Variants in ATXN10 observed in about 807,000 individuals in gnomAD.
The protein encoded by ATXN10 is ataxin-10.
ATXN10 carries 28 observed loss-of-function variants against 52.9 expected under a neutral mutation model. The observed-to-expected ratio is 0.53, with a 90% CI of 0.39 to 0.73. The LOEUF (loss-of-function observed/expected upper bound fraction) is 0.73. Ranked by LOEUF, ATXN10 falls within the 30% of genes least tolerant of loss-of-function variation. The pLI, the probability that ATXN10 is intolerant of heterozygous loss-of-function variation, is 0.00. For synonymous variants in ATXN10, 226 were observed against 221.5 expected (o/e 1.02, Z -0.18); for missense variants, 565 against 577.0 (o/e 0.98, Z 0.21).
rs1162827863 is a variant in ATXN10, at chr22:45,840,439, G to A, written c.1238-2552G>A. ...AGGCTTCCGGGAGACTGTGATACTT[G>A]CTGAGTCTCGAAGGCTAAGTGTGCC... On this transcript the variant is annotated intron_variant, in intron 10 of 11. Coordinates refer to ENST00000252934, the MANE Select transcript of ATXN10 (RefSeq NM_013236.4). The surrounding 1 kb of genome is among the most constrained non-coding windows in gnomAD (Gnocchi z 5.8). Among the ~76,000 whole-genome samples the A allele has an allele frequency of 2.0e-5, 3 of 152,184 alleles. No individual in the cohort carries two copies. Among genetic ancestry groups the A allele is most frequent in the South Asian group, 2.1e-4 (1 of 4,830 alleles).
chr22:45,740,642 A>G (rs1925476078), intron 9 of ATXN10, 104 bp downstream of exon 9: 4 of 955,270 alleles, frequency 4.2e-6, no homozygotes, highest in Non-Finnish European at 1.7e-6. Context: ...GGTGCTTAGA[A>G]AGTAGCTTGG....
At chr22:45,771,339 G>C (rs1031837180) in intron 9 of ATXN10, among the ~76,000 whole-genome samples, 2 of 150,952 alleles carry the variant, frequency 1.3e-5, no homozygotes, top group African/African-American at 4.9e-5. Flanking sequence ...TCATTTTGTT[G>C]TAGTTTTTAT....
At chr22:45,695,494 C>CTTT (rs34688034) in intron 3 of ATXN10, among the ~76,000 whole-genome samples, 2 of 140,942 alleles carry the variant, frequency 1.4e-5, no homozygotes, top group Admixed American at 7.1e-5. Flanking sequence ...AGGCATATTT[C>CTTT]TTTTTTTTTT....
At chr22:45,758,371 C>A (rs995929707) in intron 9 of ATXN10, among the ~76,000 whole-genome samples, 5 of 152,222 alleles carry the variant, frequency 3.3e-5, no homozygotes, top group Non-Finnish European at 7.3e-5. Context: ...CTCAGAAAAA[C>A]CAGTTTTACT....
Position 45,823,069 on chromosome 22 carries a change from ATAGAG to A in ATXN10, c.1237+16050_1237+16054del, listed in dbSNP as rs1301483071. The A allele has an allele frequency of 4.5e-6, 2 of 442,192 alleles. No individual in the cohort carries two copies. The highest frequency in any genetic ancestry group is 9.3e-6 in the Non-Finnish European group (2 of 214,934). The allele number at this position is 442,192 out of a possible 1,614,324, so 27.4% of individuals were successfully genotyped here. On this transcript the variant is annotated intron_variant, in intron 10 of 11. Coordinates refer to ENST00000252934, the MANE Select transcript of ATXN10 (RefSeq NM_013236.4). This position sits in a 1 kb window ranked among gnomAD's most constrained non-coding sequence, Gnocchi z 4.9. ...ATTATTTCATTGAGGTATAACTTAAATAGAGTAAACTGCAAAATTTTTAAGTATAC... is the reference window on the plus strand; with the variant it reads ...ATTATTTCATTGAGGTATAACTTAAATAAACTGCAAAATTTTTAAGTATAC...
rs2146856399 is a variant in ATXN10, at chr22:45,783,888, G to C, written c.1174-23071G>C. On this transcript the variant is annotated intron_variant, in intron 9 of 11. Transcript: ENST00000252934. This position sits in a 1 kb window ranked among gnomAD's most constrained non-coding sequence, Gnocchi z 5.0. The stretch of plus-strand genomic sequence containing the variant: ...CCCGAGGGCACCGAGGAAATGGTCA[G>C]ACTTCTTTCCTGTAGGTCAAGGCTG... 6.6e-6 allele frequency among the ~76,000 whole-genome samples: 1 copy of C among 152,328 alleles called. No individual in the cohort carries two copies. The highest frequency in any genetic ancestry group is 2.1e-4 in the South Asian group (1 of 4,826).
chr22:45,703,161 C>T (rs1440667751), intron 5 of ATXN10, among the ~76,000 whole-genome samples: 1 of 152,188 alleles, frequency 6.6e-6, no homozygotes, highest in African/African-American at 2.4e-5. Flanking sequence ...ACAGATAAGA[C>T]TGTTGTGGCT....
At chr22:45,672,771 T>C (rs1055823858) in intron 1 of ATXN10, 2 of 152,450 alleles carry the variant, frequency 1.3e-5, no homozygotes, top group Non-Finnish European at 2.9e-5. Flanking sequence ...AGGGGCAAGA[T>C]AGCCAGGCAA....
intron 1 of ATXN10, among the ~76,000 whole-genome samples, chr22:45,687,858 A>G (rs1987427): frequency 0.82 from 124,258 of 152,042 alleles, 50,930 homozygotes; most frequent in African/African-American, 0.88. Flanking sequence ...CGGGAGTTCG[A>G]GACCAGCCTG....
intron 8 of ATXN10, among the ~76,000 whole-genome samples, chr22:45,740,077 A>G (rs1378310245): frequency 6.6e-6 from 1 of 152,222 alleles, no homozygotes; most frequent in African/African-American, 2.4e-5. Context: ...GGATGCTAGC[A>G]AACTTTTAGC....
intron 6 of ATXN10, among the ~76,000 whole-genome samples, chr22:45,720,218 C>T (rs900035580): frequency 6.6e-6 from 1 of 152,040 alleles, no homozygotes; most frequent in African/African-American, 2.4e-5. Flanking sequence ...TTGTCACAGC[C>T]CTAGTTTACC....
chr22:45,802,467 T>C (rs1282806310), intron 9 of ATXN10, among the ~76,000 whole-genome samples: 1 of 152,260 alleles, frequency 6.6e-6, no homozygotes, highest in Non-Finnish European at 1.5e-5. Flanking sequence ...AGGTGCTGTA[T>C]TGGTGTCTGC....
At chr22:45,694,410 G>A (rs772849982) in intron 3 of ATXN10, among the ~76,000 whole-genome samples, 1 of 152,128 alleles carries the variant, frequency 6.6e-6, no homozygotes, top group Non-Finnish European at 1.5e-5. Context: ...CTAGCACTTG[G>A]AGAGGCCAAG....
chr22:45,751,763 A>AAAATAATAATAAT, intron 9 of ATXN10, among the ~76,000 whole-genome samples: 4 of 66,616 alleles, frequency 6.0e-5, no homozygotes, highest in East Asian at 3.1e-4. Context: ...AATAAAAAAA[A>AAAATAATAATAAT]AATAATAATA....
chr22:45,793,547 C>T, intron 9 of ATXN10: 1 of 1,265,158 alleles, frequency 7.9e-7, no homozygotes, highest in Non-Finnish European at 1.0e-6. Flanking sequence ...CTGTCAAGCT[C>T]TTCAATCTTT....
rs906590745 is a variant in ATXN10, at chr22:45,732,851, A to G, written c.894+3261A>G. 1.3e-5 allele frequency among the ~76,000 whole-genome samples: 2 copies of G among 152,228 alleles called. No individual in the cohort carries two copies. Among genetic ancestry groups the G allele is most frequent in the Non-Finnish European group, 2.9e-5 (2 of 68,040 alleles). ...AAACCACTGCATTTACTCATTGGTG[A>G]TCTTTTTAGGACAAGATAGATATTC... is the stretch of plus-strand genomic sequence containing the variant. On this transcript the variant is annotated intron_variant, in intron 7 of 11. Transcript: ENST00000252934. The surrounding 1 kb of genome is among the most constrained non-coding windows in gnomAD (Gnocchi z 4.5).
intron 5 of ATXN10, 151 bp downstream of exon 5, chr22:45,702,998 C>T: frequency 1.0e-6 from 1 of 982,678 alleles, no homozygotes; most frequent in South Asian, 1.5e-5. Flanking sequence ...AGATTTTGAG[C>T]AGAATCTAGA....
chr22:45,748,620 A>G (rs1489273460), intron 9 of ATXN10, among the ~76,000 whole-genome samples: 1 of 152,200 alleles, frequency 6.6e-6, no homozygotes. Context: ...TTTAAATTAC[A>G]GGGCATATGT....
chr22:45,810,949 A>G (rs777957180), intron 10 of ATXN10, among the ~76,000 whole-genome samples: 2 of 152,118 alleles, frequency 1.3e-5, no homozygotes, highest in African/African-American at 2.4e-5. Flanking sequence ...AGTTTTTGCA[A>G]ATATTCTATG....
Sources: allele counts gnomAD v4.1 joint callset (sites outside exome capture counted in the v4.1 genomes callset), GRCh38; gene constraint gnomAD v4.1.1; non-coding constraint Gnocchi (gnomAD v3.1); transcripts MANE v1.5; gene names NCBI Gene and HGNC (gene_info 2026-07-23, HGNC 2026-07-21).